The following RALGPS2 variants were observed in gnomAD, a reference collection of about 807,000 sequenced individuals.
The protein encoded by RALGPS2 is Ral GEF with PH domain and SH3 binding motif 2, also known as ras-specific guanine nucleotide-releasing factor RalGPS2.
RALGPS2 carries 43 observed loss-of-function variants against 86.8 expected under a neutral mutation model. The observed-to-expected ratio is 0.50, with a 90% CI of 0.39 to 0.64. The LOEUF (loss-of-function observed/expected upper bound fraction) is 0.64. RALGPS2 is among the 30% of genes least tolerant of loss of function. The pLI is 0.00. For missense variants in RALGPS2, 536 were observed against 694.6 expected, an observed-to-expected ratio of 0.77 and a Z score of 2.57; for synonymous variants, 243 against 231.3, an observed-to-expected ratio of 1.05 and a Z score of -0.46.
chr1:178,827,392 A>ATTTTTT (rs748058137), intron 7 of RALGPS2, among the ~76,000 whole-genome samples: 1 of 132,014 alleles, frequency 7.6e-6, no homozygotes. Context: ...ATACTCTCTG[A>ATTTTTT]TTTTTTTTTT....
intron 4 of RALGPS2, among the ~76,000 whole-genome samples, chr1:178,804,524 G>A (rs1459326044): frequency 1.2e-4 from 16 of 136,942 alleles, no homozygotes; most frequent in Admixed American, 2.2e-4. Flanking sequence ...GAGAATATGC[G>A]GTGTTTGGTT....
chr1:178,772,962 C>G (rs554551511), intron 1 of RALGPS2, among the ~76,000 whole-genome samples: 1 of 152,188 alleles, frequency 6.6e-6, no homozygotes, highest in Non-Finnish European at 1.5e-5. Flanking sequence ...CCACCACACC[C>G]AGGTAATTTT....
chr1:178,825,984 C>T (rs1655725706), intron 7 of RALGPS2, among the ~76,000 whole-genome samples: 1 of 152,194 alleles, frequency 6.6e-6, no homozygotes, highest in East Asian at 1.9e-4. Context: ...TACCTCCAGG[C>T]ATATGTTACA....
intron 1 of RALGPS2, among the ~76,000 whole-genome samples, chr1:178,726,475 GGGA>G (rs1650012835): frequency 6.6e-6 from 1 of 151,906 alleles, no homozygotes; most frequent in Non-Finnish European, 1.5e-5. Flanking sequence ...GGAGGGGTAA[GGGA>G]GGAGGAAGAA....
At chr1:178,728,374 C>G (rs956490666) in intron 1 of RALGPS2, among the ~76,000 whole-genome samples, 4 of 137,776 alleles carry the variant, frequency 2.9e-5, no homozygotes, top group African/African-American at 1.1e-4. Flanking sequence ...GTGAGTTAAA[C>G]TTTAAACCCA....
At chr1:178,757,880 TTGTA>T (rs1274013362) in intron 1 of RALGPS2, among the ~76,000 whole-genome samples, 2 of 152,190 alleles carry the variant, frequency 1.3e-5, no homozygotes, top group Non-Finnish European at 2.9e-5. Context: ...CAGTTTTTCT[TTGTA>T]TGTCTGGTAG....
At chr1:178,879,846 A>G (rs1237457946) in intron 10 of RALGPS2, 1 of 151,424 alleles carries the variant, frequency 6.6e-6, no homozygotes, top group East Asian at 1.9e-4. Context: ...GCTGATATCC[A>G]TTTTTATCTC....
chr1:178,853,234 T>C, intron 8 of RALGPS2: 2 of 983,518 alleles, frequency 2.0e-6, no homozygotes, highest in Non-Finnish European at 2.4e-6. Context: ...TATCCATAGC[T>C]ACTAAAAATA....
At chr1:178,872,184 G>C (rs1031858777) in intron 8 of RALGPS2, among the ~76,000 whole-genome samples, 1 of 152,124 alleles carries the variant, frequency 6.6e-6, no homozygotes, top group Non-Finnish European at 1.5e-5. Flanking sequence ...GCTGTAGCTT[G>C]TGCTGTGTTT....
At position 178,852,926 on chromosome 1, in the gene RALGPS2, A is replaced by G. The variant is rs138264170; in HGVS notation, c.607+19376A>G. On this transcript the variant is annotated intron_variant, in intron 8 of 19. Coordinates refer to ENST00000367635, the MANE Select transcript of RALGPS2 (RefSeq NM_152663.5). ...TAGATATTTTCCAGTCCAAGCCAGT[A>G]TTCTCCGTCAATGTTTCCAAACCCT... 1.1e-4 allele frequency: 178 copies of G among 1,612,434 alleles called. 1 individual carries two copies. The Middle Eastern group carries it at 1.8e-3, about 16-fold the overall frequency.
Position 178,916,452 on chromosome 1 carries a change from G to C in RALGPS2, c.*93G>C. ...CCAGCTATAAACCATCCTGTGCCAGGAAGAGCCCAGAGGCTCTGTCTCAGT... is the reference window on the plus strand; with the variant it reads ...CCAGCTATAAACCATCCTGTGCCAGCAAGAGCCCAGAGGCTCTGTCTCAGT... On this transcript the variant is annotated 3_prime_UTR_variant, in exon 20 of 20. Coordinates refer to ENST00000367635, the MANE Select transcript of RALGPS2 (RefSeq NM_152663.5). 1 of 1,215,556 alleles carries C rather than the reference G, an allele frequency of 8.2e-7. No homozygotes were observed. Among genetic ancestry groups the C allele is most frequent in the Non-Finnish European group, 1.2e-6 (1 of 859,248 alleles). 75.3% of individuals were successfully genotyped at this position (1,215,556 alleles called of 1,614,324 possible).
At chr1:178,726,457 T>C (rs1650012026) in intron 1 of RALGPS2, among the ~76,000 whole-genome samples, 1 of 151,756 alleles carries the variant, frequency 6.6e-6, no homozygotes, top group Non-Finnish European at 1.5e-5. Context: ...GTTAATTTGT[T>C]TGAGTTGGGA....
chr1:178,748,401 T>G (rs1651462091), intron 1 of RALGPS2, among the ~76,000 whole-genome samples: 1 of 151,882 alleles, frequency 6.6e-6, no homozygotes, highest in Non-Finnish European at 1.5e-5. Context: ...TGTGTACTAA[T>G]GTTCACAGCA....
At chr1:178,908,080 C>T (rs902313381) in intron 19 of RALGPS2, among the ~76,000 whole-genome samples, 1 of 152,138 alleles carries the variant, frequency 6.6e-6, no homozygotes, top group African/African-American at 2.4e-5. Context: ...AACCGTCACC[C>T]CTCTCCCACC....
intron 8 of RALGPS2, among the ~76,000 whole-genome samples, chr1:178,836,834 G>A (rs969356229): frequency 6.6e-6 from 1 of 151,816 alleles, no homozygotes; most frequent in Non-Finnish European, 1.5e-5. Flanking sequence ...AGGCTGGTGT[G>A]CAGTGGCATG....
chr1:178,780,222 G>A (rs1029443719), intron 2 of RALGPS2, among the ~76,000 whole-genome samples: 8 of 152,160 alleles, frequency 5.3e-5, no homozygotes, highest in African/African-American at 1.7e-4. Flanking sequence ...GGATCACACA[G>A]GGTTGAGAAT....
At chr1:178,873,911 T>C (rs1046864642) in intron 8 of RALGPS2, among the ~76,000 whole-genome samples, 1 of 152,116 alleles carries the variant, frequency 6.6e-6, no homozygotes, top group African/African-American at 2.4e-5. Context: ...GACGGAGTCT[T>C]GCTCTGTCAC....
At chr1:178,749,960 A>C (rs947754169) in intron 1 of RALGPS2, among the ~76,000 whole-genome samples, 1 of 151,844 alleles carries the variant, frequency 6.6e-6, no homozygotes, top group African/African-American at 2.4e-5. Context: ...CACACACACA[A>C]ATTAGCCAGG....
chr1:178,797,247 G>A (rs1045964294), intron 4 of RALGPS2, among the ~76,000 whole-genome samples: 1 of 152,070 alleles, frequency 6.6e-6, no homozygotes, highest in African/African-American at 2.4e-5. Context: ...TTGTATTCTA[G>A]TGTGACTTGG....
Sources: allele counts gnomAD v4.1 joint callset (sites outside exome capture counted in the v4.1 genomes callset), GRCh38; gene constraint gnomAD v4.1.1; transcripts MANE v1.5; gene names NCBI Gene and HGNC (gene_info 2026-07-23, HGNC 2026-07-21).